Variants in DCDC1 observed in about 807,000 individuals in gnomAD.
The protein encoded by DCDC1 is doublecortin domain-containing protein 1.
A neutral mutation model predicts 178.3 loss-of-function variants in DCDC1; 200 were observed. The observed-to-expected ratio is 1.12, with a 90% CI of 1.00 to 1.26. The LOEUF is 1.26. DCDC1 is among the 50% of genes most tolerant of loss of function. The pLI is 0.00. For synonymous variants in DCDC1, 690 were observed against 604.8 expected (o/e 1.14, Z -2.07); for missense variants, 1,983 against 1,749.2 (o/e 1.13, Z -2.38).
chr11:31,279,929 T>G (rs953336335), intron 7 of DCDC1, among the ~76,000 whole-genome samples: 7 of 152,220 alleles, frequency 4.6e-5, no homozygotes, highest in Non-Finnish European at 8.8e-5. Context: ...TGTAATTTTT[T>G]ATTCTGTAAT....
intron 9 of DCDC1, among the ~76,000 whole-genome samples, chr11:31,184,835 C>A (rs1473017732): frequency 6.6e-6 from 1 of 152,146 alleles, no homozygotes; most frequent in Admixed American, 6.5e-5. Flanking sequence ...TAAATTAGTT[C>A]AACCATTGTG....
At position 31,360,679 on chromosome 11, in the gene DCDC1, G is replaced by A. The variant is rs183092711; in HGVS notation, c.-125+9018C>T. Among the ~76,000 whole-genome samples the A allele has an allele frequency of 2.3e-3, 349 of 152,260 alleles. 1 individual carries two copies. Among genetic ancestry groups the A allele is most frequent in the Non-Finnish European group, 4.1e-3 (281 of 68,020 alleles). ...TGGTTAACTGAAACCACTGATAAGG[G>A]AGAACTACTGTAACTGTGTTGATTA... On this transcript the variant is annotated intron_variant, in intron 1 of 38. Coordinates refer to ENST00000684477, the MANE Select transcript of DCDC1 (RefSeq NM_001387274.1).
At chr11:31,257,693 A>AACAC (rs60535376) in intron 8 of DCDC1, among the ~76,000 whole-genome samples, 7,417 of 143,498 alleles carry the variant, frequency 0.052, 249 homozygotes, top group Admixed American at 0.11. Context: ...CAGATAGGAA[A>AACAC]ACACACACAC....
Position 31,306,331 on chromosome 11 carries a change from A to G in DCDC1, c.492T>C (p.Ser164=). The G allele has an allele frequency of 6.2e-7, 1 of 1,610,210 alleles. No homozygotes were observed. Among genetic ancestry groups the G allele is most frequent in the Non-Finnish European group, 8.5e-7 (1 of 1,177,994 alleles). The part of the protein sequence containing the change: ...FQSARNWQKL[S]QRHKLQPRVI... ...CTCTTGGTTGAAGTTTGTGTCTTTG[A>G]GACAATTTCTGCCAATTCCGGGCTG... is the stretch of plus-strand genomic sequence containing the variant. Residue 164 remains serine (S), a synonymous_variant, in exon 5 of 39, where the codon TCT becomes TCC. Transcript: ENST00000684477.
chr11:30,891,998 C>G (rs544519730), intron 36 of DCDC1, among the ~76,000 whole-genome samples: 3 of 152,254 alleles, frequency 2.0e-5, no homozygotes, highest in Admixed American at 6.5e-5. Flanking sequence ...CCTTTCCACA[C>G]CCCCCACCAC....
chr11:30,970,710 G>C (rs1406954683), intron 20 of DCDC1, among the ~76,000 whole-genome samples: 1 of 152,174 alleles, frequency 6.6e-6, no homozygotes, highest in Non-Finnish European at 1.5e-5. Context: ...TTCTGCCAAT[G>C]ACAGCAATCC....
At chr11:30,941,873 G>A (rs894281999) in intron 21 of DCDC1, among the ~76,000 whole-genome samples, 2 of 152,116 alleles carry the variant, frequency 1.3e-5, no homozygotes, top group Non-Finnish European at 2.9e-5. Flanking sequence ...GTATAAATAA[G>A]TGTTTAAAAA....
intron 9 of DCDC1, among the ~76,000 whole-genome samples, chr11:31,212,059 G>A (rs1001524592): frequency 6.7e-6 from 1 of 150,170 alleles, no homozygotes; most frequent in Non-Finnish European, 1.5e-5. Context: ...CTCCAGCCTG[G>A]GCGACAGAGC....
At chr11:31,156,206 T>C (rs149995284) in intron 9 of DCDC1, 179 of 152,356 alleles carry the variant, frequency 1.2e-3, no homozygotes, top group African/African-American at 4.1e-3. Context: ...TTGAGTACAA[T>C]ATTTTGAAAT....
chr11:31,138,149 G>T (rs1275263640), intron 9 of DCDC1, among the ~76,000 whole-genome samples: 3 of 152,124 alleles, frequency 2.0e-5, no homozygotes, highest in Admixed American at 2.0e-4. Context: ...TATGCATAGG[G>T]AGTAAATTGT....
At chr11:31,272,793 G>A (rs1406981970) in intron 7 of DCDC1, among the ~76,000 whole-genome samples, 1 of 152,240 alleles carries the variant, frequency 6.6e-6, no homozygotes, top group Non-Finnish European at 1.5e-5. Flanking sequence ...GGCTGGTGTT[G>A]AATGTCTGAA....
chr11:31,289,907 T>G (rs1183166843), intron 7 of DCDC1, among the ~76,000 whole-genome samples: 1 of 152,020 alleles, frequency 6.6e-6, no homozygotes, highest in Non-Finnish European at 1.5e-5. Context: ...TATGTTTTAC[T>G]GTCTCTCATA....
chr11:31,150,504 C>CTA (rs1255631765), intron 9 of DCDC1, among the ~76,000 whole-genome samples: 2 of 152,084 alleles, frequency 1.3e-5, no homozygotes, highest in East Asian at 3.8e-4. Flanking sequence ...AATGGTGAGG[C>CTA]TATGATAAGT....
chr11:31,121,946 A>C (rs184650557), intron 11 of DCDC1, among the ~76,000 whole-genome samples: 112 of 152,306 alleles, frequency 7.4e-4, no homozygotes, highest in Admixed American at 1.8e-3. Flanking sequence ...TTTATTGATA[A>C]GTCATTTAAC....
intron 17 of DCDC1, among the ~76,000 whole-genome samples, chr11:31,080,113 T>C (rs1468640478): frequency 3.3e-5 from 5 of 152,186 alleles, no homozygotes; most frequent in Non-Finnish European, 7.4e-5. Flanking sequence ...AGGATCTTTC[T>C]ATATTATAAT....
chr11:31,227,671 A>G (rs1975177284), intron 9 of DCDC1, among the ~76,000 whole-genome samples: 2 of 152,172 alleles, frequency 1.3e-5, no homozygotes, highest in African/African-American at 4.8e-5. Context: ...TAATAATTAT[A>G]TTAAATGTAA....
intron 9 of DCDC1, among the ~76,000 whole-genome samples, chr11:31,144,504 T>C: frequency 6.6e-6 from 1 of 152,204 alleles, no homozygotes; most frequent in Non-Finnish European, 1.5e-5. Flanking sequence ...TTGTAGCATT[T>C]ATGTTTTCAC....
chr11:31,240,709 TC>T (rs1201274484), intron 9 of DCDC1, among the ~76,000 whole-genome samples: 1 of 152,048 alleles, frequency 6.6e-6, no homozygotes, highest in Non-Finnish European at 1.5e-5. Context: ...AACATGTGCT[TC>T]GATTCTTAAA....
At chr11:31,227,417 C>T (rs1259599516) in intron 9 of DCDC1, among the ~76,000 whole-genome samples, 1 of 152,012 alleles carries the variant, frequency 6.6e-6, no homozygotes, top group Non-Finnish European at 1.5e-5. Flanking sequence ...TGGTGCTAAA[C>T]CATTCAGGAG....
Sources: gnomAD v4.1 joint callset for allele counts (sites outside exome capture counted in the v4.1 genomes callset) on GRCh38, gnomAD v4.1.1 for gene constraint, MANE v1.5 for transcripts, NCBI Gene and HGNC (gene_info 2026-07-23, HGNC 2026-07-21) for gene names.